Variants in EPHA6 observed in about 807,000 individuals in gnomAD.
EPHA6 encodes the protein ephrin type-A receptor 6.
In EPHA6, 50 loss-of-function variants were observed where a neutral mutation model predicts 112.0. The observed-to-expected ratio is 0.45, with a 90% CI of 0.36 to 0.56. The LOEUF is 0.56. Ranked by LOEUF, EPHA6 falls within the 20% of genes least tolerant of loss-of-function variation. The pLI is 0.00. For missense variants in EPHA6, 1,280 were observed against 1,417.4 expected, an observed-to-expected ratio of 0.90 and a Z score of 1.56; for synonymous variants, 529 against 490.7, an observed-to-expected ratio of 1.08 and a Z score of -1.03.
intron 2 of EPHA6, among the ~76,000 whole-genome samples, chr3:96,905,930 T>C (rs2038910083): frequency 6.6e-6 from 1 of 151,982 alleles, no homozygotes; most frequent in African/African-American, 2.4e-5. Flanking sequence ...ACAATGCAGG[T>C]ATATGTATGT....
At chr3:97,198,900 G>A (rs538614855) in intron 3 of EPHA6, among the ~76,000 whole-genome samples, 4 of 152,086 alleles carry the variant, frequency 2.6e-5, no homozygotes, top group Non-Finnish European at 5.9e-5. Context: ...CTTCCATGAT[G>A]ATGACTGATT....
At chr3:96,882,948 G>T (rs776498860) in intron 2 of EPHA6, among the ~76,000 whole-genome samples, 1 of 152,164 alleles carries the variant, frequency 6.6e-6, no homozygotes, top group African/African-American at 2.4e-5. Flanking sequence ...ATACCCAGTA[G>T]TGGGATTGCT....
intron 3 of EPHA6, among the ~76,000 whole-genome samples, chr3:97,011,974 G>A (rs943046068): frequency 2.4e-4 from 36 of 152,080 alleles, no homozygotes; most frequent in African/African-American, 7.7e-4. Context: ...ATGTTGCAGC[G>A]AAGAACATTA....
chr3:96,891,393 A>G (rs556724326), intron 2 of EPHA6, among the ~76,000 whole-genome samples: 3 of 152,292 alleles, frequency 2.0e-5, no homozygotes, highest in Middle Eastern at 3.4e-3. Context: ...AAATTAATCT[A>G]TAGTCTTTGA....
chr3:97,345,850 T>G (rs1223987327), intron 5 of EPHA6, among the ~76,000 whole-genome samples: 1 of 152,072 alleles, frequency 6.6e-6, no homozygotes, highest in East Asian at 1.9e-4. Context: ...CTTGAGTAAC[T>G]GCAAGAAAAA....
chr3:97,511,250 G>A (rs535068135), intron 10 of EPHA6, among the ~76,000 whole-genome samples: 1 of 151,968 alleles, frequency 6.6e-6, no homozygotes, highest in Non-Finnish European at 1.5e-5. Context: ...TCTGCAGCTA[G>A]CTCGGTGTCT....
rs1287998018 is a variant in EPHA6 at position 96,814,920 on chromosome 3, A to C, written c.297A>C (p.Glu99Asp). 1 of 1,552,006 alleles carries C rather than the reference A, an allele frequency of 6.4e-7. No individual in the cohort carries two copies. Among genetic ancestry groups the C allele is most frequent in the Non-Finnish European group, 8.7e-7 (1 of 1,146,974 alleles). ...CTAGGAGAACCATGGGGGGCTGCGA[A>C]GTCCGGGAATTTCTTTTGCAATTTG... is the stretch of plus-strand genomic sequence containing the variant. The part of the protein sequence containing the change: ...REPRRTMGGC[E>D]VREFLLQFGF... The change falls in exon 1 of 18, where the codon GAA (glutamate) becomes GAC (aspartate). Residue 99 changes from glutamate (E) to aspartate (D), a missense_variant. By Grantham distance (45) the Glu-to-Asp change is conservative (BLOSUM62 2). Around this residue, in one of 4 missense-constraint regions of EPHA6, gnomAD observed 220 missense variants for 171.5 expected, o/e 1.28. Transcript: ENST00000389672.
intron 14 of EPHA6, among the ~76,000 whole-genome samples, chr3:97,658,580 G>C (rs1560238961): frequency 6.6e-6 from 1 of 151,804 alleles, no homozygotes; most frequent in African/African-American, 2.4e-5. Context: ...GGGTTTTAAG[G>C]CACTTGGAAA....
At chr3:97,259,735 C>T (rs553813273) in intron 5 of EPHA6, among the ~76,000 whole-genome samples, 1 of 151,882 alleles carries the variant, frequency 6.6e-6, no homozygotes, top group Non-Finnish European at 1.5e-5. Context: ...AATTGCCTTA[C>T]TTACTCTAAT....
At chr3:97,729,258 T>C (rs1260166732) in intron 15 of EPHA6, among the ~76,000 whole-genome samples, 1 of 152,062 alleles carries the variant, frequency 6.6e-6, no homozygotes, top group Non-Finnish European at 1.5e-5. Context: ...ATTCTGAATG[T>C]TGAAAAATAT....
chr3:97,046,508 A>G (rs1001781983), intron 3 of EPHA6, among the ~76,000 whole-genome samples: 12 of 152,192 alleles, frequency 7.9e-5, no homozygotes, highest in Non-Finnish European at 1.3e-4. Context: ...CACTACCACT[A>G]CTTTGTTCAA....
At chr3:97,341,635 A>T (rs1176929422) in intron 5 of EPHA6, among the ~76,000 whole-genome samples, 1 of 152,052 alleles carries the variant, frequency 6.6e-6, no homozygotes, top group Non-Finnish European at 1.5e-5. Context: ...TTACTCCTTC[A>T]CTGCCAATTT....
intron 2 of EPHA6, among the ~76,000 whole-genome samples, chr3:96,902,317 T>C (rs1246578682): frequency 2.6e-5 from 4 of 152,144 alleles, no homozygotes; most frequent in Non-Finnish European, 5.9e-5. Flanking sequence ...ATTTAAAACA[T>C]GAAATTTTTT....
At chr3:97,201,867 C>T (rs879394618) in intron 3 of EPHA6, among the ~76,000 whole-genome samples, 1 of 152,092 alleles carries the variant, frequency 6.6e-6, no homozygotes, top group Non-Finnish European at 1.5e-5. Flanking sequence ...AAATTCCTCA[C>T]TGCCTGAATT....
At chr3:97,064,137 G>T (rs2046108567) in intron 3 of EPHA6, among the ~76,000 whole-genome samples, 2 of 152,086 alleles carry the variant, frequency 1.3e-5, no homozygotes, top group African/African-American at 4.8e-5. Flanking sequence ...CACTCAGACT[G>T]CACAGCTAAA....
chr3:97,268,351 C>T (rs141716899), intron 5 of EPHA6, among the ~76,000 whole-genome samples: 1 of 152,220 alleles, frequency 6.6e-6, no homozygotes, highest in Non-Finnish European at 1.5e-5. Flanking sequence ...GATAAAAGGT[C>T]AACAGAAAAC....
chr3:96,981,102 T>C (rs2042752226), intron 2 of EPHA6, among the ~76,000 whole-genome samples: 1 of 152,186 alleles, frequency 6.6e-6, no homozygotes, highest in Non-Finnish European at 1.5e-5. Context: ...ATAGGAGTGG[T>C]GAGAGAGGGC....
intron 14 of EPHA6, among the ~76,000 whole-genome samples, chr3:97,716,974 G>A (rs1050879596): frequency 6.6e-6 from 1 of 152,076 alleles, no homozygotes. Flanking sequence ...ACTTTGGGAG[G>A]CCAAGGTGGG....
At position 97,215,749 on chromosome 3, in the gene EPHA6, A is replaced by G. The variant is rs753628126; in HGVS notation, c.1115-10515A>G. 5.3e-5 allele frequency among the ~76,000 whole-genome samples: 8 copies of G among 152,318 alleles called. No individual in the cohort carries two copies. In the Middle Eastern group the frequency reaches 0.01, roughly 194 times the overall value. ...TCATTGTTATTTTAAGCAATCATGTAAAGTTTCTGAAATTATAAACATATT... is the reference window on the plus strand; with the variant it reads ...TCATTGTTATTTTAAGCAATCATGTGAAGTTTCTGAAATTATAAACATATT... On this transcript the variant is annotated intron_variant, in intron 3 of 17. Coordinates refer to ENST00000389672, the MANE Select transcript of EPHA6 (RefSeq NM_001080448.3).
Sources: gnomAD v4.1 joint callset for allele counts (sites outside exome capture counted in the v4.1 genomes callset) on GRCh38, gnomAD v4.1.1 for gene constraint, gnomAD v4.1.1 regional missense constraint, MANE v1.5 for transcripts, NCBI Gene and HGNC (gene_info 2026-07-23, HGNC 2026-07-21) for gene names.